Variants in NSMCE2 observed in about 807,000 individuals in gnomAD.
The protein encoded by NSMCE2 is NSE2 SUMO ligase component of SMC5/6 complex.
NSMCE2 carries 24 observed loss-of-function variants against 23.8 expected under a neutral mutation model. The observed-to-expected ratio is 1.01, with a 90% CI of 0.73 to 1.42. NSMCE2 has a LOEUF of 1.42. Among genes scored for constraint, NSMCE2 ranks in the 40% most tolerant of loss-of-function variants. The pLI is 0.00. For missense variants in NSMCE2, 284 were observed against 296.5 expected, an observed-to-expected ratio of 0.96 and a Z score of 0.31; for synonymous variants, 92 against 94.1, an observed-to-expected ratio of 0.98 and a Z score of 0.13.
intron 5 of NSMCE2, among the ~76,000 whole-genome samples, chr8:125,269,714 C>T (rs181450689): frequency 1.3e-5 from 2 of 152,296 alleles, no homozygotes; most frequent in African/African-American, 4.8e-5. Flanking sequence ...GAAAGCAAAT[C>T]GTTTAAGTCT....
intron 5 of NSMCE2, among the ~76,000 whole-genome samples, chr8:125,299,804 CTT>C (rs58789139): frequency 5.1e-4 from 36 of 70,246 alleles, no homozygotes; most frequent in Admixed American, 1.3e-3. Context: ...TTTTGGCTTT[CTT>C]TTTTTTTTTT....
At chr8:125,102,604 T>C in intron 3 of NSMCE2, 117 bp downstream of exon 3, 1 of 757,326 alleles carries the variant, frequency 1.3e-6, no homozygotes, top group Non-Finnish European at 2.2e-6. Context: ...TCTAGGCATC[T>C]GTTGTCTCAT....
intron 5 of NSMCE2, among the ~76,000 whole-genome samples, chr8:125,312,115 A>G (rs1169523791): frequency 6.6e-6 from 1 of 151,410 alleles, no homozygotes; most frequent in Non-Finnish European, 1.5e-5. Flanking sequence ...AAAGAAGATA[A>G]TGATAAGGTC....
chr8:125,364,211 T>G (rs1045980242), intron 7 of NSMCE2, among the ~76,000 whole-genome samples: 1 of 152,220 alleles, frequency 6.6e-6, no homozygotes, highest in Non-Finnish European at 1.5e-5. Context: ...CCCAAAGTGC[T>G]GAAATTACAG....
intron 3 of NSMCE2, among the ~76,000 whole-genome samples, chr8:125,111,965 A>G (rs1818774746): frequency 6.6e-6 from 1 of 152,298 alleles, no homozygotes; most frequent in Non-Finnish European, 1.5e-5. Context: ...TTAGGAGTCT[A>G]GTTGAGTCGG....
chr8:125,244,248 T>TA (rs1326538475), intron 5 of NSMCE2, among the ~76,000 whole-genome samples: 2 of 151,998 alleles, frequency 1.3e-5, no homozygotes, highest in Non-Finnish European at 2.9e-5. Context: ...TAGCATTGAT[T>TA]AAAAAAATAC....
At chr8:125,233,898 C>T (rs116170099) in intron 5 of NSMCE2, among the ~76,000 whole-genome samples, 2,244 of 151,442 alleles carry the variant, frequency 0.015, 65 homozygotes, top group African/African-American at 0.052. Flanking sequence ...AATCTCTGAC[C>T]GGGCATGGTG....
At chr8:125,331,948 C>A (rs1829895285) in intron 5 of NSMCE2, among the ~76,000 whole-genome samples, 1 of 152,266 alleles carries the variant, frequency 6.6e-6, no homozygotes, top group South Asian at 2.1e-4. Context: ...ATTTATTTGG[C>A]ACTTTCTCTA....
chr8:125,304,081 C>T (rs1828663445), intron 5 of NSMCE2, among the ~76,000 whole-genome samples: 2 of 152,144 alleles, frequency 1.3e-5, no homozygotes, highest in Non-Finnish European at 2.9e-5. Context: ...ACTGTACTGA[C>T]ATATATACAG....
At chr8:125,313,169 A>C (rs1156403164) in intron 5 of NSMCE2, among the ~76,000 whole-genome samples, 3 of 151,168 alleles carry the variant, frequency 2.0e-5, no homozygotes, top group African/African-American at 7.3e-5. Context: ...GAAAAAAAGG[A>C]AGGAAAGAAG....
chr8:125,309,507 G>C (rs1362449309), intron 5 of NSMCE2, among the ~76,000 whole-genome samples: 1 of 152,122 alleles, frequency 6.6e-6, no homozygotes, highest in African/African-American at 2.4e-5. Flanking sequence ...AGGATCGCTT[G>C]AGCTCGGGAG....
At position 125,125,595 on chromosome 8, in the gene NSMCE2, G is replaced by A. The variant is rs145597089; in HGVS notation, c.157+23108G>A. Among the ~76,000 whole-genome samples, 82 of 152,330 alleles carry A rather than the reference G, an allele frequency of 5.4e-4. No homozygotes were observed. The East Asian group carries it at 0.014, about 25-fold the overall frequency. On this transcript the variant is annotated intron_variant, in intron 3 of 7. Coordinates refer to ENST00000287437, the MANE Select transcript of NSMCE2 (RefSeq NM_173685.4). ...GGACCTTTAGTAGAACTTCTGTACT[G>A]GAAATGAGGACATTAATGATGAGTA...
At chr8:125,171,932 G>A (rs1822237786) in intron 4 of NSMCE2, among the ~76,000 whole-genome samples, 1 of 152,190 alleles carries the variant, frequency 6.6e-6, no homozygotes, top group Admixed American at 6.5e-5. Context: ...TTGGCAGTGT[G>A]ACCGAGGAAC....
chr8:125,104,190 A>T (rs1274533866), intron 3 of NSMCE2, among the ~76,000 whole-genome samples: 1 of 151,980 alleles, frequency 6.6e-6, no homozygotes, highest in Non-Finnish European at 1.5e-5. Flanking sequence ...GAGTTTCTTC[A>T]TGTTGGTCAG....
intron 7 of NSMCE2, among the ~76,000 whole-genome samples, chr8:125,363,725 G>C (rs1013044605): frequency 6.6e-6 from 1 of 151,902 alleles, no homozygotes; most frequent in Non-Finnish European, 1.5e-5. Context: ...AGGAGAATTC[G>C]CTTTGAGACT....
chr8:125,282,043 C>T (rs552867248), intron 5 of NSMCE2, among the ~76,000 whole-genome samples: 3 of 152,202 alleles, frequency 2.0e-5, no homozygotes, highest in African/African-American at 7.2e-5. Flanking sequence ...AGAGCAAATA[C>T]CCTGTGTAGT....
chr8:125,300,739 G>A (rs1563771574), intron 5 of NSMCE2, among the ~76,000 whole-genome samples: 1 of 152,200 alleles, frequency 6.6e-6, no homozygotes, highest in African/African-American at 2.4e-5. Flanking sequence ...TGCTTTGAGA[G>A]TAGAAAGGAA....
At chr8:125,156,823 C>T (rs1251437773) in intron 4 of NSMCE2, among the ~76,000 whole-genome samples, 1 of 152,164 alleles carries the variant, frequency 6.6e-6, no homozygotes, top group African/African-American at 2.4e-5. Flanking sequence ...ATAGCACTTC[C>T]CTGTGCCTCC....
intron 3 of NSMCE2, among the ~76,000 whole-genome samples, chr8:125,128,397 A>T (rs1471927306): frequency 6.6e-6 from 1 of 152,110 alleles, no homozygotes; most frequent in Non-Finnish European, 1.5e-5. Flanking sequence ...ATAAAAGACA[A>T]AGGAGGAGTA....
Sources: allele counts gnomAD v4.1 joint callset (sites outside exome capture counted in the v4.1 genomes callset), GRCh38; gene constraint gnomAD v4.1.1; transcripts MANE v1.5; gene names NCBI Gene and HGNC (gene_info 2026-07-23, HGNC 2026-07-21).